GRM8: variants seen among roughly 807,000 people sequenced by gnomAD.
The protein encoded by GRM8 is glutamate metabotropic receptor 8.
A neutral mutation model predicts 87.2 loss-of-function variants in GRM8; 47 were observed. The ratio of observed to expected loss-of-function variants is 0.54; its 90% CI spans 0.43 to 0.69. The LOEUF (loss-of-function observed/expected upper bound fraction) is 0.69. Among genes scored for constraint, GRM8 ranks in the 30% least tolerant of loss-of-function variants. The probability of loss-of-function intolerance (pLI) is 0.00; values close to 1 mark genes in which losing one functional copy is unlikely to be tolerated. For synonymous variants in GRM8, 396 were observed against 404.5 expected, an observed-to-expected ratio of 0.98 and a Z score of 0.25; for missense variants, 1,019 against 1,139.2, an observed-to-expected ratio of 0.89 and a Z score of 1.52.
intron 3 of GRM8, among the ~76,000 whole-genome samples, chr7:127,079,427 T>C (rs534333233): frequency 6.6e-6 from 1 of 152,324 alleles, no homozygotes; most frequent in South Asian, 2.1e-4. Flanking sequence ...CAGCCGTGTA[T>C]TTTTTAAAGT....
intron 6 of GRM8, among the ~76,000 whole-genome samples, chr7:126,771,186 A>G (rs1818808000): frequency 6.6e-6 from 1 of 152,142 alleles, no homozygotes; most frequent in South Asian, 2.1e-4. Flanking sequence ...ATCAATGCAT[A>G]TAACCTACAT....
intron 2 of GRM8, among the ~76,000 whole-genome samples, chr7:127,159,862 G>GA (rs1792989110): frequency 6.6e-6 from 1 of 151,674 alleles, no homozygotes; most frequent in African/African-American, 2.4e-5. Flanking sequence ...ATTCCTCCCT[G>GA]AAAAACTGAC....
chr7:126,884,635 G>A (rs2131022998), intron 6 of GRM8, among the ~76,000 whole-genome samples: 1 of 152,270 alleles, frequency 6.6e-6, no homozygotes, highest in South Asian at 2.1e-4. Context: ...TCATTGTAGT[G>A]TGAACTTAAT....
intron 9 of GRM8, among the ~76,000 whole-genome samples, chr7:126,516,186 T>C (rs1055509369): frequency 1.3e-5 from 2 of 152,060 alleles, no homozygotes; most frequent in Non-Finnish European, 2.9e-5. Context: ...ATACAGGACA[T>C]CCAGTTACAT....
rs142773583 is a variant in GRM8 at position 126,851,782 on chromosome 7, C to T, written c.1156+50760G>A. Among the ~76,000 whole-genome samples the T allele has an allele frequency of 1.8e-4, 28 of 152,268 alleles. No homozygotes were observed. The East Asian group carries it at 1.9e-3, about 11-fold the overall frequency. ...TTCTGTCTAAAATGGTAACCTCCCA[C>T]GCCTGACATTTCCCCTCCAGATTAC... On this transcript the variant is annotated intron_variant, in intron 6 of 10. Transcript: ENST00000339582.
chr7:127,124,948 G>A (rs897642965), intron 2 of GRM8, among the ~76,000 whole-genome samples: 1 of 152,054 alleles, frequency 6.6e-6, no homozygotes, highest in Non-Finnish European at 1.5e-5. Context: ...TCACAAAATA[G>A]ATAAATAAAC....
At chr7:126,688,397 G>T (rs61347840) in intron 7 of GRM8, among the ~76,000 whole-genome samples, 8,905 of 152,164 alleles carry the variant, frequency 0.059, 790 homozygotes, top group African/African-American at 0.19. Flanking sequence ...CAGTACTCTT[G>T]ACTAGAGAAA....
intron 3 of GRM8, among the ~76,000 whole-genome samples, chr7:126,956,935 G>GA (rs111562754): frequency 3.9e-5 from 6 of 152,258 alleles, no homozygotes; most frequent in African/African-American, 1.4e-4. Flanking sequence ...CACAGATGTA[G>GA]AAAAAGAAAA....
intron 3 of GRM8, among the ~76,000 whole-genome samples, chr7:127,086,092 G>C (rs1823451215): frequency 6.6e-6 from 1 of 151,834 alleles, no homozygotes; most frequent in African/African-American, 2.4e-5. Flanking sequence ...TTTTTGGTTT[G>C]TTTTTGATTG....
At chr7:127,119,055 G>A (rs1826875286) in intron 2 of GRM8, among the ~76,000 whole-genome samples, 1 of 152,312 alleles carries the variant, frequency 6.6e-6, no homozygotes, top group African/African-American at 2.4e-5. Context: ...CAACAAAATG[G>A]TCTGAGACAA....
At chr7:127,094,978 C>T (rs761928268) in intron 3 of GRM8, among the ~76,000 whole-genome samples, 7 of 151,998 alleles carry the variant, frequency 4.6e-5, no homozygotes, top group Non-Finnish European at 8.8e-5. Flanking sequence ...GGGTCAGGGC[C>T]CCATACAATA....
chr7:126,467,605 G>A (rs914703696), intron 9 of GRM8, among the ~76,000 whole-genome samples: 1 of 151,770 alleles, frequency 6.6e-6, no homozygotes, highest in African/African-American at 2.4e-5. Context: ...TATAAGTATA[G>A]TTAGTCTAGT....
intron 9 of GRM8, among the ~76,000 whole-genome samples, chr7:126,492,648 A>T (rs1305515710): frequency 6.6e-6 from 1 of 152,040 alleles, no homozygotes; most frequent in African/African-American, 2.4e-5. Flanking sequence ...ACTAAATAGA[A>T]TTGTTTTCAT....
At position 126,769,986 on chromosome 7, in the gene GRM8, C is replaced by T. The variant is rs1214191670; in HGVS notation, c.1236G>A (p.Met412Ile). ...VQFVIDAVYS[M>I]AYALHNMHKD... ...TGTGCATATTGTGCAGGGCGTAAGC[C>T]ATGGAATATACAGCATCAATTACAA... Residue 412 changes from methionine to isoleucine, a missense_variant, in exon 7 of 11, where the codon ATG becomes ATA. Physicochemically the swap from Met to Ile is conservative, Grantham distance 10 (BLOSUM62 1). Transcript: ENST00000339582. 1 of 1,612,354 alleles carries T rather than the reference C, an allele frequency of 6.2e-7. No individual in the cohort carries two copies. Among genetic ancestry groups the T allele is most frequent in the Non-Finnish European group, 8.5e-7 (1 of 1,178,670 alleles).
chr7:127,053,564 C>T (rs1014965978), intron 3 of GRM8, among the ~76,000 whole-genome samples: 5 of 152,086 alleles, frequency 3.3e-5, no homozygotes, highest in South Asian at 2.1e-4. Flanking sequence ...CCGTGGCAGG[C>T]GGATCACAAG....
chr7:127,022,482 A>G (rs1006741342), intron 3 of GRM8, among the ~76,000 whole-genome samples: 8 of 151,970 alleles, frequency 5.3e-5, no homozygotes, highest in African/African-American at 1.9e-4. Flanking sequence ...CATGCACCCA[A>G]CCCTGACAGG....
intron 9 of GRM8, among the ~76,000 whole-genome samples, chr7:126,525,069 G>A (rs531683576): frequency 6.6e-6 from 1 of 152,100 alleles, no homozygotes; most frequent in African/African-American, 2.4e-5. Context: ...CTTAGCTGTT[G>A]ATGTAGAATT....
At chr7:126,956,535 G>A (rs1190173340) in intron 3 of GRM8, among the ~76,000 whole-genome samples, 2 of 152,120 alleles carry the variant, frequency 1.3e-5, no homozygotes, top group African/African-American at 4.8e-5. Flanking sequence ...TGCACAACGT[G>A]CAGGTTTGTT....
rs530606396 is a variant in GRM8 at position 126,989,935 on chromosome 7, A to G, written c.728-85252T>C. Among the ~76,000 whole-genome samples the G allele has an allele frequency of 5.3e-5, 8 of 151,746 alleles. No individual in the cohort carries two copies. The South Asian group carries it at 1.7e-3, about 32-fold the overall frequency. Reference sequence around the variant, plus strand: ...CACTGCACTCCAGCCTGGGTGACAGAGCAAGACCCTGACTCAAAAAAAAAA... The same window carrying G: ...CACTGCACTCCAGCCTGGGTGACAGGGCAAGACCCTGACTCAAAAAAAAAA... On this transcript the variant is annotated intron_variant, in intron 3 of 10. Coordinates refer to ENST00000339582, the MANE Select transcript of GRM8 (RefSeq NM_000845.3).
Sources: allele counts gnomAD v4.1 joint callset (sites outside exome capture counted in the v4.1 genomes callset), GRCh38; gene constraint gnomAD v4.1.1; transcripts MANE v1.5; gene names NCBI Gene and HGNC (gene_info 2026-07-23, HGNC 2026-07-21).